STXBP5L: variants seen among roughly 807,000 people sequenced by gnomAD.
STXBP5L encodes the protein syntaxin-binding protein 5-like.
In STXBP5L, 65 loss-of-function variants were observed where a neutral mutation model predicts 144.5. That is an observed-to-expected ratio of 0.45 (90% CI 0.37 to 0.55). STXBP5L has a LOEUF of 0.55. Ranked by LOEUF, STXBP5L falls within the 20% of genes least tolerant of loss-of-function variation. The pLI is 0.00. For missense variants in STXBP5L, 1,298 were observed against 1,405.5 expected (o/e 0.92, Z 1.22); for synonymous variants, 505 against 469.6 (o/e 1.08, Z -0.97).
At chr3:121,044,759 C>T (rs1947394419) in intron 4 of STXBP5L, among the ~76,000 whole-genome samples, 1 of 152,106 alleles carries the variant, frequency 6.6e-6, no homozygotes, top group African/African-American at 2.4e-5. Flanking sequence ...CTTTCTGCCA[C>T]ATTAAGAGGT....
At chr3:121,051,950 C>A (rs1948039199) in intron 5 of STXBP5L, among the ~76,000 whole-genome samples, 1 of 152,172 alleles carries the variant, frequency 6.6e-6, no homozygotes, top group Admixed American at 6.5e-5. Flanking sequence ...ATATTACAAA[C>A]ACCTCTATGG....
At chr3:121,331,304 C>T (rs940318543) in intron 20 of STXBP5L, among the ~76,000 whole-genome samples, 1 of 152,186 alleles carries the variant, frequency 6.6e-6, no homozygotes, top group African/African-American at 2.4e-5. Flanking sequence ...GAGATGGAAA[C>T]TTCTCCCCCT....
intron 5 of STXBP5L, among the ~76,000 whole-genome samples, chr3:121,094,259 G>T (rs902148333): frequency 2.2e-4 from 33 of 152,272 alleles, no homozygotes; most frequent in Middle Eastern, 3.4e-3. Flanking sequence ...TTGATTTGGG[G>T]TGGAGAGTTC....
chr3:121,239,864 TAAATA>T (rs760850366), intron 13 of STXBP5L, among the ~76,000 whole-genome samples: 11 of 151,422 alleles, frequency 7.3e-5, no homozygotes, highest in African/African-American at 1.2e-4. Flanking sequence ...ATAATAATAA[TAAATA>T]AAATAAAATA....
chr3:121,005,649 G>A (rs890669051), intron 3 of STXBP5L, among the ~76,000 whole-genome samples: 1 of 152,118 alleles, frequency 6.6e-6, no homozygotes, highest in Non-Finnish European at 1.5e-5. Flanking sequence ...ATGTTAGGGT[G>A]TCAATTTTGG....
intron 19 of STXBP5L, among the ~76,000 whole-genome samples, chr3:121,290,150 C>T (rs338995): frequency 0.48 from 73,179 of 151,906 alleles, 18,148 homozygotes; most frequent in East Asian, 0.73. Flanking sequence ...ATTGACAGAA[C>T]ATTAATGATA....
intron 3 of STXBP5L, among the ~76,000 whole-genome samples, chr3:120,972,015 T>C (rs1940330745): frequency 6.6e-6 from 1 of 152,054 alleles, no homozygotes; most frequent in South Asian, 2.1e-4. Flanking sequence ...GTGATGTCTC[T>C]AGCTTTATTC....
At chr3:121,012,219 G>A (rs188141175) in intron 3 of STXBP5L, among the ~76,000 whole-genome samples, 1 of 151,870 alleles carries the variant, frequency 6.6e-6, no homozygotes, top group East Asian at 1.9e-4. Flanking sequence ...GTAGTTGATG[G>A]ATACTTGGAT....
intron 20 of STXBP5L, among the ~76,000 whole-genome samples, chr3:121,355,646 C>T (rs777105067): frequency 7.2e-5 from 11 of 152,080 alleles, no homozygotes; most frequent in African/African-American, 1.2e-4. Context: ...TCCTTTAGCT[C>T]GGAGAAGTTT....
chr3:121,051,928 T>C (rs1169446873), intron 5 of STXBP5L, among the ~76,000 whole-genome samples: 1 of 151,800 alleles, frequency 6.6e-6, no homozygotes, highest in Admixed American at 6.6e-5. Context: ...CCCACAGAAA[T>C]ACCATCAGAG....
intron 10 of STXBP5L, among the ~76,000 whole-genome samples, chr3:121,209,954 T>G (rs1463070308): frequency 1.8e-4 from 27 of 152,160 alleles, no homozygotes; most frequent in African/African-American, 6.0e-4. Context: ...TACCCAATAA[T>G]GGGATGGCTG....
chr3:121,184,414 G>T (rs1337561043), intron 9 of STXBP5L, among the ~76,000 whole-genome samples: 1 of 151,562 alleles, frequency 6.6e-6, no homozygotes, highest in Non-Finnish European at 1.5e-5. Context: ...ACTTCATGAA[G>T]CATACACAAA....
chr3:121,051,955 C>T (rs1040304506), intron 5 of STXBP5L, among the ~76,000 whole-genome samples: 5 of 152,184 alleles, frequency 3.3e-5, no homozygotes, highest in African/African-American at 1.2e-4. Flanking sequence ...ACAAACACCT[C>T]TATGGAAATA....
At chr3:121,012,141 T>C (rs1944820368) in intron 3 of STXBP5L, among the ~76,000 whole-genome samples, 1 of 151,962 alleles carries the variant, frequency 6.6e-6, no homozygotes, top group Admixed American at 6.6e-5. Context: ...TATCAATACT[T>C]GATTTTTTTA....
chr3:121,162,630 G>A (rs902035415), intron 9 of STXBP5L, among the ~76,000 whole-genome samples: 17 of 152,144 alleles, frequency 1.1e-4, no homozygotes, highest in Non-Finnish European at 1.8e-4. Context: ...AGAGTGAATA[G>A]GCAACCCACA....
At chr3:121,134,808 A>C in intron 7 of STXBP5L, among the ~76,000 whole-genome samples, 1 of 152,120 alleles carries the variant, frequency 6.6e-6, no homozygotes, top group Middle Eastern at 3.2e-3. Flanking sequence ...TCTATCATTG[A>C]TGGGCATTTG....
At chr3:121,036,952 G>A (rs532896210) in intron 3 of STXBP5L, among the ~76,000 whole-genome samples, 1 of 151,638 alleles carries the variant, frequency 6.6e-6, no homozygotes, top group South Asian at 2.1e-4. Context: ...TTAGAGATGA[G>A]GTCTTTCTCT....
intron 7 of STXBP5L, among the ~76,000 whole-genome samples, chr3:121,129,600 G>A (rs1418795647): frequency 6.6e-6 from 1 of 151,968 alleles, no homozygotes; most frequent in Non-Finnish European, 1.5e-5. Context: ...ATGTGGGATG[G>A]ACCCCATATT....
At chr3:121,038,888 G>C (rs1946946771) in intron 3 of STXBP5L, among the ~76,000 whole-genome samples, 2 of 151,740 alleles carry the variant, frequency 1.3e-5, no homozygotes, top group Non-Finnish European at 3.0e-5. Flanking sequence ...CAACTTTACT[G>C]TATATTAATA....
Sources: allele counts gnomAD v4.1 joint callset (sites outside exome capture counted in the v4.1 genomes callset), GRCh38; gene constraint gnomAD v4.1.1; transcripts MANE v1.5; gene names NCBI Gene and HGNC (gene_info 2026-07-23, HGNC 2026-07-21).